The following ADAMTSL1 variants were observed in gnomAD, a reference collection of about 807,000 sequenced individuals.
ADAMTSL1 encodes the protein ADAMTS-like protein 1.
ADAMTSL1 carries 126 observed loss-of-function variants against 201.8 expected under a neutral mutation model. The observed-to-expected ratio is 0.62, with a 90% confidence interval of 0.54 to 0.72. ADAMTSL1 has a LOEUF of 0.72. Ranked by LOEUF, ADAMTSL1 falls within the 30% of genes least tolerant of loss-of-function variation. The pLI is 0.00. For missense variants in ADAMTSL1, 2,679 were observed against 2,277.8 expected, an observed-to-expected ratio of 1.18 and a Z score of -3.59; for synonymous variants, 1,121 against 903.4, an observed-to-expected ratio of 1.24 and a Z score of -4.32.
At chr9:18,502,408 T>C (rs1177474172) in intron 1 of ADAMTSL1, among the ~76,000 whole-genome samples, 1 of 152,232 alleles carries the variant, frequency 6.6e-6, no homozygotes, top group Non-Finnish European at 1.5e-5. Flanking sequence ...CTATCTTCTA[T>C]TCACATGCGG....
chr9:18,116,252 G>A (rs1221173044), intron 1 of ADAMTSL1, among the ~76,000 whole-genome samples: 1 of 152,120 alleles, frequency 6.6e-6, no homozygotes, highest in Non-Finnish European at 1.5e-5. Flanking sequence ...ATTAATTGCA[G>A]ACAAACTCAC....
At chr9:18,491,979 T>C (rs924271598) in intron 1 of ADAMTSL1, among the ~76,000 whole-genome samples, 1 of 152,210 alleles carries the variant, frequency 6.6e-6, no homozygotes, top group African/African-American at 2.4e-5. Flanking sequence ...ATCATGTTTT[T>C]GAAGTAAATA....
chr9:18,316,207 C>G (rs903827407), intron 2 of ADAMTSL1, among the ~76,000 whole-genome samples: 1 of 152,142 alleles, frequency 6.6e-6, no homozygotes, highest in African/African-American at 2.4e-5. Context: ...GGCAAGATCA[C>G]AGGACCACAG....
intron 4 of ADAMTSL1, among the ~76,000 whole-genome samples, chr9:18,582,752 A>G (rs559992515): frequency 5.5e-4 from 84 of 152,002 alleles, no homozygotes; most frequent in African/African-American, 2.0e-3. Flanking sequence ...TGGAGGCTGA[A>G]GCAGGAGAAT....
At chr9:18,468,327 T>G (rs1382937749) in intron 2 of ADAMTSL1, among the ~76,000 whole-genome samples, 1 of 152,222 alleles carries the variant, frequency 6.6e-6, no homozygotes, top group African/African-American at 2.4e-5. Context: ...TTGTTTTGTG[T>G]TTTGTTTTGT....
intron 2 of ADAMTSL1, among the ~76,000 whole-genome samples, chr9:18,239,598 A>T (rs1348823613): frequency 1.3e-5 from 2 of 151,976 alleles, no homozygotes; most frequent in African/African-American, 4.8e-5. Context: ...AAAACAAAAA[A>T]TTAGCTGGGC....
At chr9:18,387,544 A>G (rs1837854687) in intron 2 of ADAMTSL1, among the ~76,000 whole-genome samples, 1 of 152,162 alleles carries the variant, frequency 6.6e-6, no homozygotes, top group Admixed American at 6.6e-5. Context: ...CATTTTTAAA[A>G]TTATTTCACT....
chr9:18,325,787 C>T (rs547546296), intron 2 of ADAMTSL1, among the ~76,000 whole-genome samples: 5 of 151,064 alleles, frequency 3.3e-5, no homozygotes, highest in Admixed American at 3.3e-4. Context: ...TTGGCTTAGG[C>T]TGGAATGAAG....
At chr9:18,431,226 A>T (rs1220910585) in intron 2 of ADAMTSL1, among the ~76,000 whole-genome samples, 1 of 152,176 alleles carries the variant, frequency 6.6e-6, no homozygotes, top group Non-Finnish European at 1.5e-5. Flanking sequence ...AGGTGTTTTT[A>T]CTTGTTGAGA....
intron 1 of ADAMTSL1, among the ~76,000 whole-genome samples, chr9:18,086,680 G>C (rs577167452): frequency 1.3e-5 from 2 of 152,280 alleles, no homozygotes; most frequent in Admixed American, 6.5e-5. Context: ...GCTTTGGCTG[G>C]CTGATTTATG....
intron 1 of ADAMTSL1, among the ~76,000 whole-genome samples, chr9:17,935,541 C>T (rs1461961685): frequency 6.6e-6 from 1 of 152,108 alleles, no homozygotes; most frequent in African/African-American, 2.4e-5. Flanking sequence ...TCTCCTGCTC[C>T]CACTCCCCCA....
At chr9:18,585,215 C>A (rs568868085) in intron 4 of ADAMTSL1, among the ~76,000 whole-genome samples, 1 of 152,184 alleles carries the variant, frequency 6.6e-6, no homozygotes, top group South Asian at 2.1e-4. Context: ...TTCCATCTTG[C>A]TATTCCATTT....
intron 4 of ADAMTSL1, among the ~76,000 whole-genome samples, chr9:18,582,599 A>C (rs1823170667): frequency 6.6e-6 from 1 of 152,156 alleles, no homozygotes; most frequent in Non-Finnish European, 1.5e-5. Flanking sequence ...CTGTAATCCC[A>C]GCACTTTGGG....
At chr9:18,781,465 G>T (rs1204965361) in intron 19 of ADAMTSL1, among the ~76,000 whole-genome samples, 2 of 152,126 alleles carry the variant, frequency 1.3e-5, no homozygotes, top group African/African-American at 4.8e-5. Flanking sequence ...AAGAAATACG[G>T]CTGGAGCTTA....
At chr9:18,357,563 T>A (rs1245445795) in intron 2 of ADAMTSL1, among the ~76,000 whole-genome samples, 2 of 151,924 alleles carry the variant, frequency 1.3e-5, no homozygotes, top group African/African-American at 4.8e-5. Flanking sequence ...ATTGCTAGAT[T>A]TTTTTTTCAC....
At chr9:18,195,931 T>C (rs908782923) in intron 2 of ADAMTSL1, among the ~76,000 whole-genome samples, 5 of 152,170 alleles carry the variant, frequency 3.3e-5, no homozygotes, top group Admixed American at 6.6e-5. Flanking sequence ...TTATTTTAGC[T>C]GATTCACGTC....
chr9:18,341,614 A>G (rs928805717), intron 2 of ADAMTSL1, among the ~76,000 whole-genome samples: 2 of 152,164 alleles, frequency 1.3e-5, no homozygotes, highest in Admixed American at 6.6e-5. Context: ...TACATAATTT[A>G]TAAGTATTTA....
chr9:18,670,577 G>A (rs1378678221), intron 9 of ADAMTSL1, among the ~76,000 whole-genome samples: 1 of 152,208 alleles, frequency 6.6e-6, no homozygotes, highest in African/African-American at 2.4e-5. Flanking sequence ...CAGTTTGGGA[G>A]TTTCTTTCCT....
intron 4 of ADAMTSL1, among the ~76,000 whole-genome samples, chr9:18,616,263 G>T (rs534633089): frequency 2.0e-4 from 31 of 152,190 alleles, no homozygotes; most frequent in Non-Finnish European, 3.7e-4. Flanking sequence ...GGCCTCAAGT[G>T]ATCCGCCTGC....
Sources: gnomAD v4.1 joint callset for allele counts (sites outside exome capture counted in the v4.1 genomes callset) on GRCh38, gnomAD v4.1.1 for gene constraint, MANE v1.5 for transcripts, NCBI Gene and HGNC (gene_info 2026-07-23, HGNC 2026-07-21) for gene names.